The following AGBL4 variants were observed in gnomAD, a reference collection of about 807,000 sequenced individuals.
The protein encoded by AGBL4 is AGBL carboxypeptidase 4.
A neutral mutation model predicts 66.4 loss-of-function variants in AGBL4; 58 were observed. That is an observed-to-expected ratio of 0.87 (90% CI 0.71 to 1.09). AGBL4 has a LOEUF of 1.09. Ranked by LOEUF, AGBL4 falls within the 50% of genes least tolerant of loss-of-function variation. The pLI is 0.00. For missense variants in AGBL4, 579 were observed against 631.0 expected (o/e 0.92, Z 0.88); for synonymous variants, 234 against 222.9 (o/e 1.05, Z -0.44).
chr1:49,606,998 C>T (rs1403552416), intron 3 of AGBL4, among the ~76,000 whole-genome samples: 2 of 152,100 alleles, frequency 1.3e-5, no homozygotes, highest in African/African-American at 4.8e-5. Context: ...ATATGTTAAA[C>T]ACAAAATTTC....
intron 5 of AGBL4, among the ~76,000 whole-genome samples, chr1:49,011,154 A>G (rs1321876356): frequency 6.0e-5 from 9 of 151,096 alleles, no homozygotes; most frequent in African/African-American, 2.2e-4. Flanking sequence ...TAATATCCAG[A>G]ATCTACAATG....
At chr1:49,406,192 T>C (rs911727735) in intron 3 of AGBL4, among the ~76,000 whole-genome samples, 3 of 152,226 alleles carry the variant, frequency 2.0e-5, no homozygotes, top group African/African-American at 4.8e-5. Flanking sequence ...CAAATTGTTG[T>C]GAGCAGACTG....
intron 5 of AGBL4, among the ~76,000 whole-genome samples, chr1:48,879,334 T>C (rs1211864814): frequency 6.6e-6 from 1 of 152,050 alleles, no homozygotes; most frequent in East Asian, 1.9e-4. Flanking sequence ...TGTTTAGAAG[T>C]AGCACGCAAT....
At chr1:49,476,740 TG>T (rs1322182752) in intron 3 of AGBL4, among the ~76,000 whole-genome samples, 1 of 152,108 alleles carries the variant, frequency 6.6e-6, no homozygotes, top group Non-Finnish European at 1.5e-5. Flanking sequence ...TGCTATTTTT[TG>T]TTTTAAATTT....
rs1354955933 is a variant in AGBL4 at position 49,778,279 on chromosome 1, C to A, written c.157+73117G>T. Among the ~76,000 whole-genome samples the A allele has an allele frequency of 2.0e-5, 3 of 152,120 alleles. No individual in the cohort carries two copies. The East Asian group carries it at 5.8e-4, about 29-fold the overall frequency. On this transcript the variant is annotated intron_variant, in intron 2 of 13. Coordinates refer to ENST00000371839, the MANE Select transcript of AGBL4 (RefSeq NM_032785.4). Reference sequence around the variant, plus strand: ...GTGCTGCCATCTCCAACTACCACCCCACTCATAGAACAGAGGTGTCACACA... The same window carrying A: ...GTGCTGCCATCTCCAACTACCACCCAACTCATAGAACAGAGGTGTCACACA...
At chr1:49,560,199 G>A (rs954653988) in intron 3 of AGBL4, among the ~76,000 whole-genome samples, 6 of 152,092 alleles carry the variant, frequency 3.9e-5, no homozygotes, top group South Asian at 2.1e-4. Flanking sequence ...AAATAGATGT[G>A]TTGAGGAAAC....
intron 2 of AGBL4, among the ~76,000 whole-genome samples, chr1:49,829,706 T>C (rs1436159764): frequency 6.6e-6 from 1 of 152,020 alleles, no homozygotes; most frequent in Non-Finnish European, 1.5e-5. Context: ...CCACGGTGGT[T>C]TGATGTACCC....
intron 5 of AGBL4, among the ~76,000 whole-genome samples, chr1:48,969,300 C>G (rs1658714791): frequency 3.9e-5 from 6 of 152,096 alleles, no homozygotes; most frequent in Admixed American, 3.9e-4. Context: ...TCATGTTATC[C>G]CTCTGCCTGT....
intron 1 of AGBL4, among the ~76,000 whole-genome samples, chr1:49,856,457 A>G (rs144784788): frequency 8.7e-4 from 133 of 152,276 alleles, no homozygotes; most frequent in African/African-American, 3.1e-3. Context: ...TCTCTAATGA[A>G]CATAGAATCA....
intron 1 of AGBL4, among the ~76,000 whole-genome samples, chr1:49,911,895 C>T (rs1019014777): frequency 3.9e-5 from 6 of 152,210 alleles, no homozygotes; most frequent in African/African-American, 1.4e-4. Flanking sequence ...GCTTTGGCTC[C>T]AGCCTTCCTC....
At chr1:49,608,870 T>C (rs1457566804) in intron 3 of AGBL4, among the ~76,000 whole-genome samples, 1 of 152,176 alleles carries the variant, frequency 6.6e-6, no homozygotes, top group Non-Finnish European at 1.5e-5. Flanking sequence ...GATACTATAA[T>C]GTATAATTGT....
At chr1:49,230,738 T>C (rs1015592261) in intron 4 of AGBL4, among the ~76,000 whole-genome samples, 1 of 152,194 alleles carries the variant, frequency 6.6e-6, no homozygotes, top group Non-Finnish European at 1.5e-5. Flanking sequence ...CTAGAGTGAG[T>C]GGGAGGTTAT....
At chr1:49,639,255 C>A (rs1645735060) in intron 3 of AGBL4, among the ~76,000 whole-genome samples, 1 of 152,140 alleles carries the variant, frequency 6.6e-6, no homozygotes, top group Admixed American at 6.5e-5. Flanking sequence ...AACACACACC[C>A]TGCTATCAAA....
At chr1:49,917,974 C>T (rs1409092849) in intron 1 of AGBL4, among the ~76,000 whole-genome samples, 1 of 152,184 alleles carries the variant, frequency 6.6e-6, no homozygotes, top group Non-Finnish European at 1.5e-5. Flanking sequence ...CAACCTGCTC[C>T]TGAATGACTA....
At chr1:49,900,349 G>A (rs938949097) in intron 1 of AGBL4, among the ~76,000 whole-genome samples, 2 of 151,902 alleles carry the variant, frequency 1.3e-5, no homozygotes, top group East Asian at 1.9e-4. Flanking sequence ...AGGTTCAAGC[G>A]ATTCTCCTGC....
At chr1:48,727,713 C>A in intron 6 of AGBL4, 1 of 457,280 alleles carries the variant, frequency 2.2e-6, no homozygotes, top group Non-Finnish European at 3.8e-6. Flanking sequence ...CTCAGCAAAG[C>A]CATCTGTCGT....
intron 1 of AGBL4, among the ~76,000 whole-genome samples, chr1:49,867,533 C>T (rs1446052398): frequency 1.4e-5 from 2 of 139,156 alleles, no homozygotes; most frequent in African/African-American, 5.3e-5. Context: ...TGTTCCCCTT[C>T]CTGTGTCCAA....
intron 4 of AGBL4, among the ~76,000 whole-genome samples, chr1:49,095,570 C>G (rs1053167421): frequency 7.2e-5 from 11 of 152,156 alleles, no homozygotes; most frequent in African/African-American, 1.2e-4. Context: ...ACAAACCTGA[C>G]AAAAACAAGA....
At chr1:49,026,484 A>T (rs1314510372) in intron 5 of AGBL4, among the ~76,000 whole-genome samples, 2 of 152,172 alleles carry the variant, frequency 1.3e-5, no homozygotes, top group Non-Finnish European at 2.9e-5. Context: ...GAGTTCACTT[A>T]TAGCTGAGGG....
Sources: allele counts gnomAD v4.1 joint callset (sites outside exome capture counted in the v4.1 genomes callset), GRCh38; gene constraint gnomAD v4.1.1; transcripts MANE v1.5; gene names NCBI Gene and HGNC (gene_info 2026-07-23, HGNC 2026-07-21).